Variants in TGFBI observed in about 807,000 individuals in gnomAD.
TGFBI encodes transforming growth factor-beta-induced protein ig-h3.
Under a neutral mutation model 73.7 loss-of-function variants are expected in TGFBI, and 50 were observed. That is an observed-to-expected ratio of 0.68 (90% CI 0.54 to 0.86). TGFBI has a LOEUF of 0.86. TGFBI is among the 40% of genes least tolerant of loss of function. TGFBI has a pLI of 0.00. For synonymous variants in TGFBI, 362 were observed against 360.5 expected (o/e 1.00, Z -0.05); for missense variants, 839 against 877.0 (o/e 0.96, Z 0.55).
chr5:136,046,483 C>G lies in TGFBI; in HGVS notation c.447C>G (p.Ala149=), dbSNP rs376089468. The G allele has an allele frequency of 1.2e-6, 2 of 1,607,934 alleles. No homozygotes were observed. Among genetic ancestry groups the G allele is most frequent in the Non-Finnish European group, 1.7e-6 (2 of 1,176,190 alleles). The change falls in exon 4 of 17, where the codon GCC becomes GCG. Residue 149 remains alanine, a synonymous_variant. Coordinates refer to ENST00000442011, the MANE Select transcript of TGFBI (RefSeq NM_000358.3). ...TIFAPSNEAW[A]SLPAEVLDSL... ...TCGCCCCTAGCAACGAGGCCTGGGC[C>G]TCCTTGCCAGCTGTGAGATGACCTC...
chr5:136,062,320 A>C (rs1227417885), intron 15 of TGFBI, among the ~76,000 whole-genome samples: 5 of 152,018 alleles, frequency 3.3e-5, no homozygotes, highest in Admixed American at 2.0e-4. Context: ...GGGTCTCCTT[A>C]GTGCCCTCGA....
At chr5:136,057,083 C>T (rs1283577510) in intron 12 of TGFBI, among the ~76,000 whole-genome samples, 1 of 152,108 alleles carries the variant, frequency 6.6e-6, no homozygotes, top group Non-Finnish European at 1.5e-5. Flanking sequence ...CAGCCAGAGC[C>T]ATGTGCAGCC....
At chr5:136,045,290 C>T (rs909660631) in intron 3 of TGFBI, among the ~76,000 whole-genome samples, 1 of 151,988 alleles carries the variant, frequency 6.6e-6, no homozygotes, top group Admixed American at 6.6e-5. Context: ...CGCCTGTAAT[C>T]CTAGCACTTT....
intron 16 of TGFBI, 79 bp from the exon 17 acceptor site, chr5:136,063,107 T>C (rs1457068740): frequency 2.2e-6 from 3 of 1,375,230 alleles, no homozygotes; most frequent in African/African-American, 2.8e-5. Context: ...TTGGCCCTGG[T>C]CCTTGAGATT....
rs370797081 is a variant in TGFBI, at chr5:136,053,035, G to A, written c.1042G>A (p.Gly348Arg). 13 of 1,613,906 alleles carry A rather than the reference G, an allele frequency of 8.1e-6. No homozygotes were observed. Among genetic ancestry groups the A allele is most frequent in the Middle Eastern group, 1.6e-4 (1 of 6,084 alleles). Residue 348 changes from glycine (G) to arginine (R), a missense_variant, in exon 8 of 17, where the codon GGG (glycine) becomes AGG (arginine). Gly to Arg is a moderately radical substitution (Grantham distance 125). Transcript: ENST00000442011. ...GCSGDMLTIN[G>R]KAIISNKDIL... is the part of the protein sequence containing the mutation. ...CAGCGGGGACATGCTCACTATCAAC[G>A]GGAAGGCGATCATCTCCAATAAAGA...
chr5:136,061,704 C>T (rs974013374), intron 15 of TGFBI, 125 bp downstream of exon 15: 11 of 776,918 alleles, frequency 1.4e-5, no homozygotes, highest in Admixed American at 3.9e-5. Context: ...AAACTTCTCC[C>T]CACTCCCACT....
intron 1 of TGFBI, among the ~76,000 whole-genome samples, chr5:136,031,869 C>T (rs376491641): frequency 2.3e-4 from 35 of 152,262 alleles, no homozygotes; most frequent in East Asian, 1.2e-3. Context: ...GGGTCACAGC[C>T]GCCCCCAGCC....
intron 10 of TGFBI, chr5:136,055,199 T>C (rs45607531): frequency 0.019 from 5,223 of 272,814 alleles, 273 homozygotes; most frequent in African/African-American, 0.11. Context: ...TAAACTAAAA[T>C]ACAGCCCTCC....
rs1751559920 is a variant in TGFBI at position 136,052,901 on chromosome 5, C to T, written c.914-6C>T. 1.2e-6 allele frequency: 2 copies of T among 1,613,114 alleles called. No homozygotes were observed. Among genetic ancestry groups the T allele is most frequent in the African/African-American group, 2.7e-5 (2 of 74,914 alleles). On this transcript the variant is annotated splice_polypyrimidine_tract_variant and splice_region_variant and intron_variant, in intron 7 of 16. Coordinates refer to ENST00000442011, the MANE Select transcript of TGFBI (RefSeq NM_000358.3). ...CTGACTTGACCTGAGTCTGTTTGGA[C>T]CCCAGACCTGCTGAACAACCACATC...
chr5:136,039,189 CT>C (rs1751286193), intron 2 of TGFBI, among the ~76,000 whole-genome samples: 1 of 152,224 alleles, frequency 6.6e-6, no homozygotes, highest in African/African-American at 2.4e-5. Flanking sequence ...CAGTAAGCAT[CT>C]GTTAAGTGCT....
chr5:136,046,386 C>G lies in TGFBI; in HGVS notation c.350C>G (p.Thr117Ser). 1 of 1,613,990 alleles carries G rather than the reference C, an allele frequency of 6.2e-7. No homozygotes were observed. Among genetic ancestry groups the G allele is most frequent in the African/African-American group, 1.3e-5 (1 of 75,038 alleles). The part of the protein sequence containing the change: ...YETLGVVGST[T>S]TQLYTDRTEK... ...ACCCTGGGAGTCGTTGGATCCACCA[C>G]CACTCAGCTGTACACGGACCGCACG... Residue 117 changes from threonine (T) to serine (S), a missense_variant, in exon 4 of 17, where the codon ACC (threonine) becomes AGC (serine). By Grantham distance (58) the Thr-to-Ser change is moderately conservative. Coordinates refer to ENST00000442011, the MANE Select transcript of TGFBI (RefSeq NM_000358.3).
chr5:136,055,547 C>G, intron 10 of TGFBI, 133 bp from the exon 11 acceptor site: 1 of 756,358 alleles, frequency 1.3e-6, no homozygotes, highest in Non-Finnish European at 1.9e-6. Flanking sequence ...TTTATCCCAG[C>G]CTTAATAACC....
intron 8 of TGFBI, among the ~76,000 whole-genome samples, chr5:136,053,557 C>A (rs1291790778): frequency 6.6e-6 from 1 of 152,222 alleles, no homozygotes; most frequent in Non-Finnish European, 1.5e-5. Flanking sequence ...TGAGATCTGT[C>A]CATGAGTGAA....
intron 2 of TGFBI, among the ~76,000 whole-genome samples, chr5:136,036,069 C>G (rs1249615395): frequency 2.0e-5 from 3 of 152,214 alleles, no homozygotes; most frequent in East Asian, 1.9e-4. Flanking sequence ...AAGGCACAAG[C>G]AACAGAGCTG....
intron 13 of TGFBI, 142 bp from the exon 14 acceptor site, chr5:136,060,692 A>G: frequency 1.8e-6 from 1 of 563,452 alleles, no homozygotes; most frequent in Non-Finnish European, 3.0e-6. Context: ...CCTGGGCGAC[A>G]AGATTGAAAC....
chr5:136,047,659 G>A, intron 6 of TGFBI: 2 of 528,488 alleles, frequency 3.8e-6, no homozygotes, highest in South Asian at 4.6e-5. Context: ...CCCTGGAAAG[G>A]TCAGTGGTGT....
At chr5:136,048,629 G>A (rs893698175) in intron 6 of TGFBI, 1 of 152,308 alleles carries the variant, frequency 6.6e-6, no homozygotes, top group South Asian at 2.1e-4. Flanking sequence ...GGAAAGTCAG[G>A]GAGTTCTCTC....
At chr5:136,056,857 G>A (rs1251759936) in intron 12 of TGFBI, 62 bp downstream of exon 12, 1 of 1,532,180 alleles carries the variant, frequency 6.5e-7, no homozygotes, top group African/African-American at 1.4e-5. Flanking sequence ...CAGGGCCCCA[G>A]CAGCAAACAG....
intron 10 of TGFBI, 133 bp from the exon 11 acceptor site, chr5:136,055,547 C>A: frequency 1.3e-6 from 1 of 756,356 alleles, no homozygotes. Flanking sequence ...TTTATCCCAG[C>A]CTTAATAACC....
Sources: gnomAD v4.1 joint callset for allele counts (sites outside exome capture counted in the v4.1 genomes callset) on GRCh38, gnomAD v4.1.1 for gene constraint, MANE v1.5 for transcripts, NCBI Gene and HGNC (gene_info 2026-07-23, HGNC 2026-07-21) for gene names.